Variants in PKD1L3 observed in about 807,000 individuals in gnomAD.
PKD1L3 encodes polycystin 1 like 3, transient receptor potential channel interacting.
Under a neutral mutation model 184.1 loss-of-function variants are expected in PKD1L3, and 239 were observed. The observed-to-expected ratio is 1.30, with a 90% CI of 1.17 to 1.45. PKD1L3 has a LOEUF of 1.45. Ranked by LOEUF, PKD1L3 falls within the 40% of genes most tolerant of loss-of-function variation. The probability of loss-of-function intolerance (pLI) is 0.00; values close to 1 mark genes in which losing one functional copy is unlikely to be tolerated. For missense variants in PKD1L3, 2,660 were observed against 2,067.2 expected (o/e 1.29, Z -5.56); for synonymous variants, 996 against 778.8 (o/e 1.28, Z -4.64).
rs747066860 is a variant in PKD1L3, at chr16:71,973,473, C to A, written c.1804G>T (p.Gly602Trp). The stretch of plus-strand genomic sequence containing the variant: ...GCTGTTATATAGTAGGTGCCAATCC[C>A]GTGCTGCAGATGCTCTGGATTCAGC... ...WVLNPEHLQH[G>W]IGTYYITAVL... Residue 602 changes from glycine (G) to tryptophan (W), a missense_variant, in exon 12 of 30, where the codon GGG (glycine) becomes TGG (tryptophan). Physicochemically the swap from Gly to Trp is radical, Grantham distance 184. Transcript: ENST00000620267. The A allele has an allele frequency of 4.5e-6, 7 of 1,551,816 alleles. No individual in the cohort carries two copies. The highest frequency in any genetic ancestry group is 2.0e-5 in the Admixed American group (1 of 50,996).
At chr16:71,989,132 C>A (rs554840702) in intron 4 of PKD1L3, among the ~76,000 whole-genome samples, 85 of 152,226 alleles carry the variant, frequency 5.6e-4, no homozygotes, top group African/African-American at 1.7e-3. Flanking sequence ...CAGAAAACAG[C>A]GTGGGAAATA....
At chr16:71,956,931 T>C (rs968110107) in intron 16 of PKD1L3, among the ~76,000 whole-genome samples, 1 of 152,222 alleles carries the variant, frequency 6.6e-6, no homozygotes, top group African/African-American at 2.4e-5. Flanking sequence ...ATTAAGAATC[T>C]ATATGATGGA....
intron 1 of PKD1L3, 54 bp from the exon 2 acceptor site, chr16:71,998,448 G>T (rs2040865276): frequency 9.9e-6 from 15 of 1,515,958 alleles, no homozygotes; most frequent in Non-Finnish European, 1.3e-5. Flanking sequence ...AGGCTTTTAG[G>T]TTTATTTTTT....
In PKD1L3 at chr16:71,988,859, G is replaced by A. The variant is rs72787007; in HGVS notation, c.585+1421C>T. On this transcript the variant is annotated intron_variant, in intron 4 of 29. Transcript: ENST00000620267. ...ATTGGACAAATAGTTGTGAAGAAGTGAAATTATGTGGGGAGGCTTAAAAGA... is the reference window on the plus strand; with the variant it reads ...ATTGGACAAATAGTTGTGAAGAAGTAAAATTATGTGGGGAGGCTTAAAAGA... Among the ~76,000 whole-genome samples, 1,331 of 152,314 alleles carry A rather than the reference G, an allele frequency of 8.7e-3. 11 individuals carry two copies. Among genetic ancestry groups the A allele is most frequent in the Middle Eastern group, 0.041 (12 of 294 alleles).
At position 71,983,659 on chromosome 16, in the gene PKD1L3, CTTTCTTTTT is replaced by C. The variant is rs1476829553; in HGVS notation, c.966+368_966+376del. 2.2e-4 allele frequency among the ~76,000 whole-genome samples: 20 copies of C among 92,428 alleles called. 2 individuals carry two copies. Among genetic ancestry groups the C allele is most frequent in the African/African-American group, 2.8e-4 (7 of 25,152 alleles). 60.6% of individuals were successfully genotyped at this position (92,428 alleles called of 152,430 possible). A position where few individuals can be genotyped will look rare whatever the true frequency, so the allele number is the denominator to read the frequency against. ...GCATAAGGCACAATCTCCAGATTCT[CTTTCTTTTT>C]TTTTTTTTTTTTTTTTTGGAGACAC... On this transcript the variant is annotated intron_variant, in intron 6 of 29. Transcript: ENST00000620267.
Position 71,943,005 on chromosome 16 carries a change from G to C in PKD1L3, c.3879C>G (p.Thr1293=). The part of the protein sequence containing the change: ...GDILVQILFL[T]LLMTAIYSAK... Reference sequence around the variant, plus strand: ...CAGAGTAGATTGCAGTCATCAACAGGGTAAGGAAGAGGATTTGTACTTGTT... The same window carrying C: ...CAGAGTAGATTGCAGTCATCAACAGCGTAAGGAAGAGGATTTGTACTTGTT... The change falls in exon 24 of 30, where the codon ACC becomes ACG. Residue 1293 remains threonine, a synonymous_variant. Coordinates refer to ENST00000620267, the MANE Select transcript of PKD1L3 (RefSeq NM_181536.2). 1 of 1,550,230 alleles carries C rather than the reference G, an allele frequency of 6.5e-7. No individual in the cohort carries two copies. Among genetic ancestry groups the C allele is most frequent in the Middle Eastern group, 1.7e-4 (1 of 5,990 alleles).
Position 71,986,914 on chromosome 16 carries a change from A to ATTTTTTTT in PKD1L3, c.586-453_586-446dup, listed in dbSNP as rs71153694. On this transcript the variant is annotated intron_variant, in intron 4 of 29. Coordinates refer to ENST00000620267, the MANE Select transcript of PKD1L3 (RefSeq NM_181536.2). ...GAGGATGTTCAGTGGTAAGGAGAGG[A>ATTTTTTTT]TTTTTTTTTTTTTTTTTTTTTTTTT... Among the ~76,000 whole-genome samples the ATTTTTTTT allele has an allele frequency of 1.1e-3, 93 of 81,362 alleles. 17 individuals are homozygous for ATTTTTTTT. The highest frequency in any genetic ancestry group is 4.9e-3 in the African/African-American group (88 of 17,818). The allele number at this position is 81,362 out of a possible 152,430, so 53.4% of individuals were successfully genotyped here.
At chr16:71,934,162 G>A (rs931555281) in intron 26 of PKD1L3, 37 bp from the exon 27 acceptor site, 2 of 1,544,086 alleles carry the variant, frequency 1.3e-6, no homozygotes, top group Non-Finnish European at 1.8e-6. Context: ...TCAGCAAGAA[G>A]TATGTGCCTA....
intron 11 of PKD1L3, among the ~76,000 whole-genome samples, chr16:71,977,033 G>A (rs919278864): frequency 1.3e-5 from 2 of 152,180 alleles, no homozygotes; most frequent in Non-Finnish European, 2.9e-5. Context: ...GCAAGCCACC[G>A]CGCCCGGCCC....
chr16:71,981,933 T>C, intron 7 of PKD1L3, 126 bp downstream of exon 7: 1 of 1,060,256 alleles, frequency 9.4e-7, no homozygotes, highest in Non-Finnish European at 1.3e-6. Flanking sequence ...GGCAGAGGAG[T>C]TTCTTCTGCA....
At chr16:71,955,393 C>T (rs1175983710) in intron 16 of PKD1L3, among the ~76,000 whole-genome samples, 1 of 151,922 alleles carries the variant, frequency 6.6e-6, no homozygotes, top group Admixed American at 6.6e-5. Context: ...GCTGAGATCG[C>T]ACCACTGCAC....
At chr16:71,934,192 C>A in intron 26 of PKD1L3, 67 bp from the exon 27 acceptor site, 1 of 1,441,592 alleles carries the variant, frequency 6.9e-7, no homozygotes. Context: ...TTCCCCAGCG[C>A]CCCTGCTGCT....
chr16:71,962,883 G>A (rs1193657692), intron 16 of PKD1L3, among the ~76,000 whole-genome samples: 1 of 151,946 alleles, frequency 6.6e-6, no homozygotes, highest in Non-Finnish European at 1.5e-5. Flanking sequence ...TCGAAGTAGT[G>A]GTATCCTTTT....
intron 7 of PKD1L3, among the ~76,000 whole-genome samples, chr16:71,981,193 A>C (rs981441733): frequency 1.3e-5 from 2 of 152,194 alleles, no homozygotes; most frequent in Admixed American, 1.3e-4. Flanking sequence ...TACAAACTTG[A>C]GTGTACAAGT....
intron 25 of PKD1L3, 130 bp downstream of exon 25, chr16:71,937,162 T>G: frequency 1.1e-6 from 1 of 903,688 alleles, no homozygotes; most frequent in Non-Finnish European, 1.6e-6. Flanking sequence ...CTCAAGCAAT[T>G]CTCACATCTC....
At chr16:71,985,379 G>C (rs2143790054) in intron 5 of PKD1L3, among the ~76,000 whole-genome samples, 1 of 152,180 alleles carries the variant, frequency 6.6e-6, no homozygotes, top group Middle Eastern at 3.4e-3. Flanking sequence ...AAAAGCATGA[G>C]GGAAGCAGGA....
At chr16:71,967,464 G>C (rs1567524035) in intron 14 of PKD1L3, 149 bp from the exon 15 acceptor site, 1 of 829,454 alleles carries the variant, frequency 1.2e-6, no homozygotes, top group East Asian at 2.7e-5. Context: ...CATATATGCA[G>C]TATAGATATA....
At chr16:71,958,008 A>G (rs2039112344) in intron 16 of PKD1L3, among the ~76,000 whole-genome samples, 1 of 152,232 alleles carries the variant, frequency 6.6e-6, no homozygotes, top group Non-Finnish European at 1.5e-5. Context: ...GCAGAAGACA[A>G]TGTATTAAAA....
intron 22 of PKD1L3, among the ~76,000 whole-genome samples, chr16:71,944,705 GT>G (rs57890181): frequency 8.4e-5 from 12 of 142,702 alleles, no homozygotes; most frequent in Non-Finnish European, 9.1e-5. Context: ...TTTTTTGTTT[GT>G]TTTTTTTTTT....
Sources: allele counts gnomAD v4.1 joint callset (sites outside exome capture counted in the v4.1 genomes callset), GRCh38; gene constraint gnomAD v4.1.1; transcripts MANE v1.5; gene names NCBI Gene and HGNC (gene_info 2026-07-23, HGNC 2026-07-21).